EDNRB: variants seen among roughly 807,000 people sequenced by gnomAD.
EDNRB encodes endothelin receptor type B.
Under a neutral mutation model 46.4 loss-of-function variants are expected in EDNRB, and 18 were observed. The observed-to-expected ratio is 0.39, with a 90% CI of 0.27 to 0.57. EDNRB has a LOEUF of 0.57. EDNRB is among the 20% of genes least tolerant of loss of function. The probability of loss-of-function intolerance (pLI) is 0.61; values close to 1 mark genes in which losing one functional copy is unlikely to be tolerated. For synonymous variants in EDNRB, 213 were observed against 204.9 expected (o/e 1.04, Z -0.34); for missense variants, 434 against 537.5 (o/e 0.81, Z 1.90).
chr13:77,967,092 C>A (rs929314190), intron 1 of EDNRB, among the ~76,000 whole-genome samples: 11 of 151,934 alleles, frequency 7.2e-5, no homozygotes, highest in African/African-American at 2.7e-4. Context: ...TGCTAAAGTC[C>A]CTATTAATTA....
chr13:77,940,700 G>GGTGTGTGTGTGT (rs6145134), intron 1 of EDNRB, among the ~76,000 whole-genome samples: 43 of 149,188 alleles, frequency 2.9e-4, no homozygotes, highest in African/African-American at 1.1e-3. Flanking sequence ...AGATGAATTG[G>GGTGTGTGTGTGT]GTGTGTGTGT....
At chr13:77,919,152 A>G (rs1007886283), upstream of EDNRB, 27 of 548,624 alleles carry the variant, frequency 4.9e-5, no homozygotes, top group South Asian at 2.8e-4. Context: ...CAGCGCGCCC[A>G]GGAGTGCGCC....
chr13:77,935,175 C>T (rs1880526086), intron 1 of EDNRB, among the ~76,000 whole-genome samples: 1 of 152,178 alleles, frequency 6.6e-6, no homozygotes, highest in African/African-American at 2.4e-5. Context: ...ATTTTAAGGG[C>T]CTTTAAAAGT....
At chr13:77,964,743 G>A (rs1352076285) in intron 1 of EDNRB, among the ~76,000 whole-genome samples, 6 of 152,160 alleles carry the variant, frequency 3.9e-5, no homozygotes, top group Admixed American at 1.3e-4. Context: ...AAACTTGCAC[G>A]TTGTGCACAT....
At chr13:77,934,673 T>C (rs1363678261) in intron 1 of EDNRB, among the ~76,000 whole-genome samples, 1 of 72,772 alleles carries the variant, frequency 1.4e-5, no homozygotes, top group Non-Finnish European at 2.3e-5. Context: ...GCTTGATGTG[T>C]AGGAAAGGGG....
chr13:77,930,408 G>A (rs9544639), intron 1 of EDNRB, among the ~76,000 whole-genome samples: 136,837 of 152,268 alleles, frequency 0.9, 61,565 homozygotes, highest in East Asian at 0.98. Context: ...AGGGTTATAT[G>A]GATAAGTGGT....
At chr13:77,916,887 A>G (rs1490015103) in intron 1 of EDNRB, among the ~76,000 whole-genome samples, 1 of 150,170 alleles carries the variant, frequency 6.7e-6, no homozygotes, top group African/African-American at 2.4e-5. Context: ...ATGTCTTTGA[A>G]ATTTTCCAAC....
At chr13:77,915,405 C>T (rs181228459) in intron 1 of EDNRB, among the ~76,000 whole-genome samples, 21 of 152,232 alleles carry the variant, frequency 1.4e-4, no homozygotes, top group Admixed American at 1.0e-3. Flanking sequence ...AAATGAGATC[C>T]TAAAACAATA....
chr13:77,948,511 T>C (rs746629882), intron 1 of EDNRB, among the ~76,000 whole-genome samples: 1 of 152,222 alleles, frequency 6.6e-6, no homozygotes, highest in Non-Finnish European at 1.5e-5. Flanking sequence ...TGTTTTCATA[T>C]ACTAGTGGTC....
chr13:77,923,140 C>T (rs1462537737), upstream of EDNRB, among the ~76,000 whole-genome samples: 5 of 152,052 alleles, frequency 3.3e-5, no homozygotes, highest in Admixed American at 3.3e-4. Context: ...TTCTTTTCTG[C>T]CTATAGAAAA....
At position 77,908,043 on chromosome 13, in the gene EDNRB, A is replaced by AAAGAG. The variant is rs4052535; in HGVS notation, c.484-4437_484-4436insCTCTT. Among the ~76,000 whole-genome samples, 305 of 72,482 alleles carry AAAGAG rather than the reference A, an allele frequency of 4.2e-3. 10 individuals carry two copies. The highest frequency in any genetic ancestry group is 0.027 in the Middle Eastern group (2 of 74). 47.6% of individuals were successfully genotyped at this position (72,482 alleles called of 152,430 possible). ...CTGCAAAAAAAAAAAAAAAAAAAAA[A>AAAGAG]AGAGAGAGAGAGCATTAACCTTTAT... On this transcript the variant is annotated intron_variant, in intron 1 of 6. Coordinates refer to ENST00000646607, the MANE Select transcript of EDNRB (RefSeq NM_001122659.3).
rs1198672248 is a variant in EDNRB, at chr13:77,899,657, G to A, written c.1194+202C>T. 5.8e-6 allele frequency: 3 copies of A among 520,894 alleles called. No individual in the cohort carries two copies. In the Admixed American group the frequency reaches 9.6e-5, roughly 17 times the overall value. 32.3% of individuals were successfully genotyped at this position (520,894 alleles called of 1,614,324 possible). A position where few individuals can be genotyped will look rare whatever the true frequency, so the allele number is the denominator to read the frequency against. ...AACTGATTGGCTGAGGCAGTAGGGA[G>A]TGGCTGACTAGGATTTATAGGAAAA... On this transcript the variant is annotated intron_variant, in intron 6 of 6. Transcript: ENST00000646607.
In EDNRB at chr13:77,898,307, A is replaced by G. The variant is rs1297352198; in HGVS notation, c.1222T>C (p.Phe408Leu). 3 of 1,612,150 alleles carry G rather than the reference A, an allele frequency of 1.9e-6. No individual in the cohort carries two copies. Among genetic ancestry groups the G allele is most frequent in the Admixed American group, 1.7e-5 (1 of 59,820 alleles). ...TCCTCCAAGGACTGTTTTTCTTCAA[A>G]TGACTGGCACCAGCAGCATAAGCAT... ...KSCLCCWCQS[F>L]EEKQSLEEKQ... The change falls in exon 7 of 7, where the codon TTT becomes CTT. Residue 408 changes from phenylalanine to leucine, a missense_variant. Coordinates refer to ENST00000646607, the MANE Select transcript of EDNRB (RefSeq NM_001122659.3).
In EDNRB at chr13:77,897,842, G is replaced by A. The variant is rs906888113; in HGVS notation, c.*358C>T. 2 of 1,026,400 alleles carry A rather than the reference G, an allele frequency of 1.9e-6. No homozygotes were observed. The highest frequency in any genetic ancestry group is 1.9e-4 in the East Asian group (2 of 10,686). The allele number at this position is 1,026,400 out of a possible 1,614,324, so 63.6% of individuals were successfully genotyped here. On this transcript the variant is annotated 3_prime_UTR_variant, in exon 7 of 7. Transcript: ENST00000646607. ...TCTTCCTTTATATCAGAGTCCCATT[G>A]ATTTAAAAATAAATCTCTTTTTAGA...
intron 1 of EDNRB, among the ~76,000 whole-genome samples, chr13:77,955,075 A>G (rs571086232): frequency 4.5e-4 from 69 of 152,284 alleles, no homozygotes; most frequent in African/African-American, 1.6e-3. Flanking sequence ...ACCATTTTAC[A>G]TTCCCACCTA....
chr13:77,938,621 C>T (rs1228803685), intron 1 of EDNRB, among the ~76,000 whole-genome samples: 1 of 152,180 alleles, frequency 6.6e-6, no homozygotes, highest in African/African-American at 2.4e-5. Flanking sequence ...AATGATTAAA[C>T]ACCAAGGGAA....
upstream of EDNRB, among the ~76,000 whole-genome samples, chr13:77,922,937 A>G (rs1880127066): frequency 6.6e-6 from 1 of 152,178 alleles, no homozygotes; most frequent in African/African-American, 2.4e-5. Context: ...TTTCTGCTTT[A>G]TCAACTTATC....
intron 1 of EDNRB, among the ~76,000 whole-genome samples, chr13:77,955,139 T>C (rs1025018863): frequency 6.6e-6 from 1 of 152,236 alleles, no homozygotes; most frequent in African/African-American, 2.4e-5. Context: ...CATTATCTTT[T>C]ATTTATTTGT....
At chr13:77,950,797 C>T (rs1881069413) in intron 1 of EDNRB, among the ~76,000 whole-genome samples, 2 of 152,166 alleles carry the variant, frequency 1.3e-5, no homozygotes, top group South Asian at 4.1e-4. Context: ...TACATAGAAA[C>T]ACCAGTTTTC....
Sources: allele counts gnomAD v4.1 joint callset (sites outside exome capture counted in the v4.1 genomes callset), GRCh38; gene constraint gnomAD v4.1.1; transcripts MANE v1.5; gene names NCBI Gene and HGNC (gene_info 2026-07-23, HGNC 2026-07-21).